ADAMTS7: variants seen among roughly 807,000 people sequenced by gnomAD.
ADAMTS7 encodes A disintegrin and metalloproteinase with thrombospondin motifs 7.
Under a neutral mutation model 172.6 loss-of-function variants are expected in ADAMTS7, and 89 were observed. The observed-to-expected ratio is 0.52, with a 90% CI of 0.43 to 0.61. ADAMTS7 has a LOEUF of 0.61. Among genes scored for constraint, ADAMTS7 ranks in the 20% least tolerant of loss-of-function variants. The pLI is 0.00. For synonymous variants in ADAMTS7, 885 were observed against 978.4 expected (o/e 0.90, Z 1.78); for missense variants, 1,973 against 2,355.6 (o/e 0.84, Z 3.36).
rs1251754345 is a variant in ADAMTS7 at position 78,811,460 on chromosome 15, G to C, written c.-240C>G. On this transcript the variant is annotated 5_prime_UTR_variant, in exon 1 of 24. Transcript: ENST00000388820. ...AGAGAGCTAGAAGGAGAGAAAGAAA[G>C]AAAGAAAGAAAGGGAGGGAGAGTGA... The C allele has an allele frequency of 6.5e-6, 2 of 309,378 alleles. No homozygotes were observed. Among genetic ancestry groups the C allele is most frequent in the African/African-American group, 2.2e-5 (1 of 45,662 alleles). The allele number at this position is 309,378 out of a possible 1,614,324, so 19.2% of individuals were successfully genotyped here. A position where few individuals can be genotyped will look rare whatever the true frequency, so the allele number is the denominator to read the frequency against.
At chr15:78,796,503 T>G (rs2055644899) in intron 4 of ADAMTS7, 87 bp downstream of exon 4, 2 of 1,473,294 alleles carry the variant, frequency 1.4e-6, no homozygotes, top group Non-Finnish European at 1.8e-6. Context: ...GGGTCCAGCC[T>G]GACAGCCTTC....
chr15:78,804,577 C>G (rs1252118089), intron 1 of ADAMTS7, among the ~76,000 whole-genome samples: 2 of 152,258 alleles, frequency 1.3e-5, no homozygotes, highest in African/African-American at 4.8e-5. Flanking sequence ...GGAAACCAAA[C>G]TTGCCCTCCA....
intron 11 of ADAMTS7, among the ~76,000 whole-genome samples, chr15:78,775,848 C>G (rs1258687633): frequency 6.6e-6 from 1 of 152,174 alleles, no homozygotes; most frequent in Non-Finnish European, 1.5e-5. Context: ...AGAGGAGATT[C>G]GAACCCTGAG....
At position 78,811,315 on chromosome 15, in the gene ADAMTS7, C is replaced by G; in HGVS notation, c.-95G>C. ...GGTCCCAGGTCCGGCTCAGGACATG[C>G]CCGGCCGGCGTGCAGCTCCCGGCGA... On this transcript the variant is annotated 5_prime_UTR_variant, in exon 1 of 24. Coordinates refer to ENST00000388820, the MANE Select transcript of ADAMTS7 (RefSeq NM_014272.5). 1 of 1,208,766 alleles carries G rather than the reference C, an allele frequency of 8.3e-7. No homozygotes were observed. The highest frequency in any genetic ancestry group is 1.0e-6 in the Non-Finnish European group (1 of 971,612). The allele number at this position is 1,208,766 out of a possible 1,614,324, so 74.9% of individuals were successfully genotyped here.
At position 78,776,194 on chromosome 15, in the gene ADAMTS7, T is replaced by C. The variant is rs773214114; in HGVS notation, c.1700A>G (p.Gln567Arg). 16 of 1,610,208 alleles carry C rather than the reference T, an allele frequency of 9.9e-6. No individual in the cohort carries two copies. Among genetic ancestry groups the C allele is most frequent in the East Asian group, 8.9e-5 (4 of 44,838 alleles). The change falls in exon 11 of 24, where the codon CAG becomes CGG. Residue 567 changes from glutamine (Q) to arginine (R), a missense_variant. Around this residue, in one of 8 missense-constraint regions of ADAMTS7, gnomAD observed 526 missense variants for 662.9 expected, o/e 0.79. Transcript: ENST00000388820. ...CCCTGGGCCCCACACTCACGTAGGC[T>C]GCGTGCACTGCCGCTCGGCGCTCTG... ...GVQSAERQCT[Q>R]PTPKYKGRYC...
chr15:78,779,717 A>T (rs1476174965), intron 8 of ADAMTS7, among the ~76,000 whole-genome samples: 1 of 151,890 alleles, frequency 6.6e-6, no homozygotes, highest in African/African-American at 2.4e-5. Flanking sequence ...CTGGGGGCTC[A>T]CCCATCCCAG....
At position 78,771,152 on chromosome 15, in the gene ADAMTS7, C is replaced by G; in HGVS notation, c.2518+10G>C. 1 of 1,598,498 alleles carries G rather than the reference C, an allele frequency of 6.3e-7. No homozygotes were observed. Among genetic ancestry groups the G allele is most frequent in the Non-Finnish European group, 8.5e-7 (1 of 1,172,226 alleles). ...CCTGCAGGTGGGGCTGTGCCTGCCC[C>G]ACTTCTCACCTCTGCCGCAGGTGAC... On this transcript the variant is annotated intron_variant, in intron 16 of 23. Coordinates refer to ENST00000388820, the MANE Select transcript of ADAMTS7 (RefSeq NM_014272.5). The surrounding 1 kb of genome is among the most constrained non-coding windows in gnomAD (Gnocchi z 4.9).
At chr15:78,776,654 G>T (rs1234213523) in intron 10 of ADAMTS7, 95 bp downstream of exon 10, 4 of 1,279,598 alleles carry the variant, frequency 3.1e-6, no homozygotes, top group Non-Finnish European at 4.4e-6. Flanking sequence ...AGGAGCACAA[G>T]CAAGACTGTG....
Position 78,763,743 on chromosome 15 carries a change from T to C in ADAMTS7, c.4696A>G (p.Asn1566Asp). ...ALRPNTTRPC[N>D]THPCTQWVVG... is the part of the protein sequence containing the mutation. The stretch of plus-strand genomic sequence containing the variant: ...ACCCACTGCGTGCAGGGGTGGGTGT[T>C]GCAGGGCCGGGTGGTGTTGGGTCTC... Residue 1566 changes from asparagine to aspartate, a missense_variant, in exon 22 of 24, where the codon AAC (asparagine) becomes GAC (aspartate). Coordinates refer to ENST00000388820, the MANE Select transcript of ADAMTS7 (RefSeq NM_014272.5). 1 of 1,595,864 alleles carries C rather than the reference T, an allele frequency of 6.3e-7. No homozygotes were observed. Among genetic ancestry groups the C allele is most frequent in the Non-Finnish European group, 8.5e-7 (1 of 1,173,434 alleles).
rs1479587463 is a variant in ADAMTS7 at position 78,771,691 on chromosome 15, C to A, written c.2270G>T (p.Trp757Leu). ...YFLNGGWTIQWNGDYQVAGTT... is the reference protein window; with the variant it reads ...YFLNGGWTIQLNGDYQVAGTT... ...CCCTGCCACCTGGTAGTCCCCGTTC[C>A]ACTGGATGGTCCAGCCACCATTGAG... Residue 757 changes from tryptophan to leucine, a missense_variant, in exon 15 of 24, where the codon TGG (tryptophan) becomes TTG (leucine). Around this residue, in one of 8 missense-constraint regions of ADAMTS7, gnomAD observed 771 missense variants for 952.6 expected, o/e 0.81. Transcript: ENST00000388820. The surrounding 1 kb of genome is among the most constrained non-coding windows in gnomAD (Gnocchi z 4.9). 1 of 1,605,898 alleles carries A rather than the reference C, an allele frequency of 6.2e-7. No homozygotes were observed. The highest frequency in any genetic ancestry group is 1.1e-5 in the South Asian group (1 of 91,012).
chr15:78,798,102 G>A lies in ADAMTS7; in HGVS notation c.468C>T (p.Phe156=). ...TGAAGTAGTCCTCGTTGGAGAGCTG[G>A]AACACACCTTTCTGGGGAAGAAGCA... ...ISACDGLKGV[F]QLSNEDYFIE... is the part of the protein sequence containing the mutation. Residue 156 remains phenylalanine, a synonymous_variant, in exon 3 of 24, where the codon TTC becomes TTT. Coordinates refer to ENST00000388820, the MANE Select transcript of ADAMTS7 (RefSeq NM_014272.5). 6.4e-7 allele frequency: 1 copy of A among 1,553,774 alleles called. No homozygotes were observed. The highest frequency in any genetic ancestry group is 8.6e-7 in the Non-Finnish European group (1 of 1,158,488).
intron 8 of ADAMTS7, among the ~76,000 whole-genome samples, chr15:78,779,885 G>A (rs1456676149): frequency 2.7e-5 from 4 of 150,718 alleles, no homozygotes; most frequent in Non-Finnish European, 5.9e-5. Context: ...GGCAGCTGAA[G>A]CCACAACAAC....
At position 78,771,130 on chromosome 15, in the gene ADAMTS7, G is replaced by A; in HGVS notation, c.2518+32C>T. ...GTCCCTGTCCAGACACTAAGCCCCT[G>A]CAGGTGGGGCTGTGCCTGCCCCACT... On this transcript the variant is annotated intron_variant, in intron 16 of 23. Transcript: ENST00000388820. The surrounding 1 kb of genome is among the most constrained non-coding windows in gnomAD (Gnocchi z 4.9). The A allele has an allele frequency of 3.2e-6, 5 of 1,570,752 alleles. No individual in the cohort carries two copies. Among genetic ancestry groups the A allele is most frequent in the East Asian group, 2.3e-5 (1 of 42,664 alleles).
intron 17 of ADAMTS7, 69 bp downstream of exon 17, chr15:78,768,064 C>A: frequency 9.9e-7 from 1 of 1,005,348 alleles, no homozygotes; most frequent in African/African-American, 2.5e-5. Context: ...GGGGAGTTGG[C>A]GGGGGATGGG....
At chr15:78,786,935 A>T (rs934534328) in intron 8 of ADAMTS7, among the ~76,000 whole-genome samples, 2 of 152,136 alleles carry the variant, frequency 1.3e-5, no homozygotes, top group African/African-American at 4.8e-5. Flanking sequence ...CAACATGAAG[A>T]GGATGAGGAT....
chr15:78,807,096 G>A (rs968969323), intron 1 of ADAMTS7, among the ~76,000 whole-genome samples: 2 of 152,166 alleles, frequency 1.3e-5, no homozygotes, highest in African/African-American at 2.4e-5. Context: ...GAGTATTAAC[G>A]TTGGTTCCCA....
At chr15:78,763,388 C>T (rs775471915) in intron 22 of ADAMTS7, among the ~76,000 whole-genome samples, 8 of 152,228 alleles carry the variant, frequency 5.3e-5, no homozygotes, top group Non-Finnish European at 8.8e-5. Flanking sequence ...CCCTCAAGCT[C>T]GTCATTCCTG....
At chr15:78,786,150 G>A (rs1479192770) in intron 8 of ADAMTS7, among the ~76,000 whole-genome samples, 3 of 151,582 alleles carry the variant, frequency 2.0e-5, no homozygotes, top group South Asian at 2.1e-4. Context: ...GGCTTGTCTC[G>A]AACTCCTGAC....
At chr15:78,759,766 T>G (rs372864916) in intron 23 of ADAMTS7, among the ~76,000 whole-genome samples, 188 bp from the exon 24 acceptor site, 3 of 152,140 alleles carry the variant, frequency 2.0e-5, no homozygotes. Context: ...CACCTACTCA[T>G]GGCCAACCCC....
Sources: gnomAD v4.1 joint callset for allele counts (sites outside exome capture counted in the v4.1 genomes callset) on GRCh38, gnomAD v4.1.1 for gene constraint, gnomAD v4.1.1 regional missense constraint, Gnocchi (gnomAD v3.1) non-coding constraint, MANE v1.5 for transcripts, NCBI Gene and HGNC (gene_info 2026-07-23, HGNC 2026-07-21) for gene names.